The following LTBP1 variants were observed in gnomAD, a reference collection of about 807,000 sequenced individuals.
LTBP1 encodes latent transforming growth factor beta binding protein 1, also known as latent-transforming growth factor beta-binding protein 1.
In LTBP1, 129 loss-of-function variants were observed where a neutral mutation model predicts 207.6. The observed-to-expected ratio is 0.62, with a 90% CI of 0.54 to 0.72. The LOEUF is 0.72. Ranked by LOEUF, LTBP1 falls within the 30% of genes least tolerant of loss-of-function variation. The pLI, the probability that LTBP1 is intolerant of heterozygous loss-of-function variation, is 0.00. For missense variants in LTBP1, 2,281 were observed against 2,217.2 expected, an observed-to-expected ratio of 1.03 and a Z score of -0.58; for synonymous variants, 963 against 833.7, an observed-to-expected ratio of 1.16 and a Z score of -2.67.
intron 1 of LTBP1, 100 bp from the exon 2 acceptor site, chr2:32,948,775 C>A: frequency 9.0e-7 from 1 of 1,116,598 alleles, no homozygotes; most frequent in Non-Finnish European, 1.4e-6. Context: ...CAGAGGGTTG[C>A]AGAAGCTGGA....
At chr2:33,179,042 C>G (rs13417478) in intron 5 of LTBP1, among the ~76,000 whole-genome samples, 12,126 of 139,454 alleles carry the variant, frequency 0.087, 1,052 homozygotes, top group African/African-American at 0.23. Context: ...TGCCTGGCCC[C>G]CAGCATGCTT....
Position 33,186,939 on chromosome 2 carries a change from C to G in LTBP1, c.1285C>G (p.Leu429Val). ...CQCPPNFTGK[L>V]CQIPVHGASV... Reference sequence around the variant, plus strand: ...GTGCCCTCCAAATTTCACAGGAAAACTTTGTCAGATCCCAGTCCATGGTGC... The same window carrying G: ...GTGCCCTCCAAATTTCACAGGAAAAGTTTGTCAGATCCCAGTCCATGGTGC... The change falls in exon 6 of 34, where the codon CTT becomes GTT. Residue 429 changes from leucine (L) to valine (V), a missense_variant. Around this residue, in one of 3 missense-constraint regions of LTBP1, gnomAD observed 1,671 missense variants for 1,634.8 expected, o/e 1.02. Transcript: ENST00000404816. 1.2e-6 allele frequency: 2 copies of G among 1,614,194 alleles called. No individual in the cohort carries two copies. Among genetic ancestry groups the G allele is most frequent in the Non-Finnish European group, 1.7e-6 (2 of 1,180,028 alleles).
At chr2:33,176,582 TTC>T (rs1444609573) in intron 5 of LTBP1, among the ~76,000 whole-genome samples, 1 of 152,166 alleles carries the variant, frequency 6.6e-6, no homozygotes, top group Non-Finnish European at 1.5e-5. Flanking sequence ...GATTGACATA[TTC>T]TTTTTGGAAA....
intron 5 of LTBP1, among the ~76,000 whole-genome samples, chr2:33,158,722 C>T (rs1448836466): frequency 6.6e-6 from 1 of 152,162 alleles, no homozygotes; most frequent in Admixed American, 6.5e-5. Flanking sequence ...ACTTTGACTT[C>T]CTGGAATTTA....
chr2:33,198,805 C>G (rs983001807), intron 7 of LTBP1, among the ~76,000 whole-genome samples: 1 of 152,008 alleles, frequency 6.6e-6, no homozygotes, highest in African/African-American at 2.4e-5. Flanking sequence ...CTTTATTAGT[C>G]TTGCTAGCGG....
In LTBP1 at chr2:33,301,499, T is replaced by G. The variant is rs533194454; in HGVS notation, c.3359-23T>G. 23 of 1,556,346 alleles carry G rather than the reference T, an allele frequency of 1.5e-5. No individual in the cohort carries two copies. The South Asian group carries it at 2.7e-4, about 18-fold the overall frequency. On this transcript the variant is annotated intron_variant, in intron 21 of 33. Transcript: ENST00000404816. Reference sequence around the variant, plus strand: ...TTTTTGAAGCACCACTTCCACAGTTTCTTTGTATTCTCTTGCTCATAGACA... The same window carrying G: ...TTTTTGAAGCACCACTTCCACAGTTGCTTTGTATTCTCTTGCTCATAGACA...
chr2:33,245,063 A>G (rs2092464501), intron 10 of LTBP1, among the ~76,000 whole-genome samples: 1 of 152,044 alleles, frequency 6.6e-6, no homozygotes, highest in Non-Finnish European at 1.5e-5. Context: ...TATTTTTAGT[A>G]GAGACAGGGT....
At chr2:33,330,721 G>A (rs1198664064) in intron 24 of LTBP1, among the ~76,000 whole-genome samples, 2 of 149,748 alleles carry the variant, frequency 1.3e-5, no homozygotes, top group African/African-American at 4.9e-5. Context: ...GTAATCTAGG[G>A]CTGATAATAC....
chr2:33,122,404 AT>A (rs1460645375), intron 4 of LTBP1, among the ~76,000 whole-genome samples: 2 of 152,308 alleles, frequency 1.3e-5, no homozygotes, highest in East Asian at 3.9e-4. Flanking sequence ...AAGTGATACT[AT>A]GGGTGACCTC....
At chr2:33,364,455 C>G in intron 30 of LTBP1, 99 bp downstream of exon 30, 1 of 1,227,156 alleles carries the variant, frequency 8.1e-7, no homozygotes, top group South Asian at 1.6e-5. Context: ...AAATGGATTC[C>G]TTGGGTATTT....
At chr2:33,354,381 T>C (rs901044629) in intron 26 of LTBP1, among the ~76,000 whole-genome samples, 3 of 152,092 alleles carry the variant, frequency 2.0e-5, no homozygotes, top group African/African-American at 4.8e-5. Context: ...ATGCAAATAT[T>C]GTAAAAGGCC....
At chr2:32,954,709 G>T (rs1017849065) in intron 2 of LTBP1, among the ~76,000 whole-genome samples, 1 of 151,826 alleles carries the variant, frequency 6.6e-6, no homozygotes, top group African/African-American at 2.4e-5. Context: ...GCCTGCAGAT[G>T]CCTTGCACAT....
intron 3 of LTBP1, among the ~76,000 whole-genome samples, chr2:33,063,642 C>A (rs1343427609): frequency 6.6e-6 from 1 of 151,918 alleles, no homozygotes; most frequent in African/African-American, 2.4e-5. Flanking sequence ...TTGGGATCCT[C>A]AGTTGTTTTT....
intron 21 of LTBP1, among the ~76,000 whole-genome samples, chr2:33,300,907 A>G: frequency 6.6e-6 from 1 of 152,192 alleles, no homozygotes; most frequent in East Asian, 1.9e-4. Context: ...GATTTCAGCA[A>G]TTAGAAAGTC....
intron 26 of LTBP1, among the ~76,000 whole-genome samples, chr2:33,359,862 T>C (rs572408990): frequency 4.9e-4 from 74 of 152,168 alleles, no homozygotes; most frequent in Non-Finnish European, 7.9e-4. Flanking sequence ...AGTGGGTGGA[T>C]TTTGTTCTTA....
chr2:32,947,488 A>C lies in LTBP1; in HGVS notation c.164A>C (p.Asn55Thr). 1 of 1,442,556 alleles carries C rather than the reference A, an allele frequency of 6.9e-7. No individual in the cohort carries two copies. The highest frequency in any genetic ancestry group is 9.1e-7 in the Non-Finnish European group (1 of 1,101,624). 89.4% of individuals were successfully genotyped at this position (1,442,556 alleles called of 1,614,324 possible). Residue 55 changes from asparagine to threonine, a missense_variant, in exon 1 of 34, where the codon AAC (asparagine) becomes ACC (threonine). Transcript: ENST00000404816. ...LSGPPRSRTF[N>T]VALNARYSRS... Reference sequence around the variant, plus strand: ...GGGCCCCCGCGTTCGCGGACATTCAACGTCGCGCTCAACGCCAGGTACAGC... The same window carrying C: ...GGGCCCCCGCGTTCGCGGACATTCACCGTCGCGCTCAACGCCAGGTACAGC...
rs1354309490 is a variant in LTBP1 at position 32,947,171 on chromosome 2, A to C, written c.-154A>C. 4.4e-6 allele frequency: 2 copies of C among 458,116 alleles called. No homozygotes were observed. The highest frequency in any genetic ancestry group is 6.9e-6 in the Non-Finnish European group (2 of 291,746). 28.4% of individuals were successfully genotyped at this position (458,116 alleles called of 1,614,324 possible). On this transcript the variant is annotated 5_prime_UTR_variant, in exon 1 of 34. Transcript: ENST00000404816. ...TCTGGGGCCGCTCAGCTGCCCGCAGAGCCTCCTCCCTCGCCACCGACTTGG... is the reference window on the plus strand; with the variant it reads ...TCTGGGGCCGCTCAGCTGCCCGCAGCGCCTCCTCCCTCGCCACCGACTTGG...
At chr2:33,346,972 GC>G (rs752690242) in intron 25 of LTBP1, among the ~76,000 whole-genome samples, 14 of 151,968 alleles carry the variant, frequency 9.2e-5, no homozygotes, top group Non-Finnish European at 1.8e-4. Flanking sequence ...AAACAAATTA[GC>G]GGGGCGTGGT....
chr2:32,955,364 A>T (rs1272645371), intron 2 of LTBP1, among the ~76,000 whole-genome samples: 18 of 152,188 alleles, frequency 1.2e-4, no homozygotes, highest in Non-Finnish European at 1.5e-5. Flanking sequence ...TGAAGTATAT[A>T]TGTGTATTTT....
Sources: gnomAD v4.1 joint callset for allele counts (sites outside exome capture counted in the v4.1 genomes callset) on GRCh38, gnomAD v4.1.1 for gene constraint, gnomAD v4.1.1 regional missense constraint, MANE v1.5 for transcripts, NCBI Gene and HGNC (gene_info 2026-07-23, HGNC 2026-07-21) for gene names.